Variants in NIPBL observed in about 807,000 individuals in gnomAD.
NIPBL encodes the protein nipped-B-like protein.
In NIPBL, 19 loss-of-function variants were observed where a neutral mutation model predicts 321.8. The ratio of observed to expected loss-of-function variants is 0.06; its 90% confidence interval spans 0.04 to 0.09. The LOEUF is 0.09. NIPBL is among the 10% of genes least tolerant of loss of function. NIPBL has a pLI of 1.00. For missense variants in NIPBL, 2,210 were observed against 3,327.0 expected (o/e 0.66, Z 8.26); for synonymous variants, 1,106 against 1,114.1 (o/e 0.99, Z 0.14).
chr5:36,968,150 T>C (rs1370968333), intron 6 of NIPBL, among the ~76,000 whole-genome samples: 1 of 148,632 alleles, frequency 6.7e-6, no homozygotes, highest in Non-Finnish European at 1.5e-5. Flanking sequence ...TATCAACCTA[T>C]ATGACAAAAT....
chr5:37,009,067 C>G (rs911534705), intron 20 of NIPBL, among the ~76,000 whole-genome samples: 8 of 152,290 alleles, frequency 5.3e-5, no homozygotes, highest in African/African-American at 1.9e-4. Flanking sequence ...AATAGACACC[C>G]TTCCTCCTTC....
At chr5:36,974,129 G>A (rs1421771573) in intron 8 of NIPBL, among the ~76,000 whole-genome samples, 1 of 152,104 alleles carries the variant, frequency 6.6e-6, no homozygotes, top group Non-Finnish European at 1.5e-5. Context: ...AGATTGCCGG[G>A]GAAAGAGAAC....
chr5:36,878,975 G>C (rs371819585), intron 1 of NIPBL, among the ~76,000 whole-genome samples: 15 of 147,830 alleles, frequency 1.0e-4, no homozygotes, highest in African/African-American at 3.2e-4. Context: ...ACTGCGGGTG[G>C]GGGGGTGTGC....
chr5:37,036,523 A>G, intron 33 of NIPBL, 36 bp downstream of exon 33: 5 of 855,640 alleles, frequency 5.8e-6, no homozygotes, highest in Non-Finnish European at 8.5e-6. Flanking sequence ...TCTTTAGTTG[A>G]TTTTATAAGA....
At chr5:36,952,018 C>CTGTGTGTG (rs60067315) in intron 1 of NIPBL, among the ~76,000 whole-genome samples, 3,530 of 101,704 alleles carry the variant, frequency 0.035, 105 homozygotes, top group South Asian at 0.068. Context: ...CTCTGTTAAA[C>CTGTGTGTG]TGTGTGTGTG....
chr5:36,978,892 GT>G (rs1198694889), intron 9 of NIPBL, among the ~76,000 whole-genome samples: 1 of 151,802 alleles, frequency 6.6e-6, no homozygotes, highest in Non-Finnish European at 1.5e-5. Flanking sequence ...GAGATCAGTT[GT>G]TTTTAGGTAT....
chr5:36,952,071 C>CGCGCAT (rs1740431694), intron 1 of NIPBL, among the ~76,000 whole-genome samples: 1 of 125,824 alleles, frequency 7.9e-6, no homozygotes, highest in Admixed American at 7.8e-5. Flanking sequence ...CGCGCGCGCG[C>CGCGCAT]GCATGTGTGT....
intron 45 of NIPBL, among the ~76,000 whole-genome samples, chr5:37,061,951 C>T (rs181391761): frequency 2.6e-5 from 4 of 152,306 alleles, no homozygotes; most frequent in South Asian, 2.1e-4. Flanking sequence ...AAGCAAGTCT[C>T]CTGCCTCAGC....
intron 20 of NIPBL, among the ~76,000 whole-genome samples, chr5:37,009,714 A>T (rs914903633): frequency 8.5e-5 from 13 of 152,204 alleles, no homozygotes; most frequent in Non-Finnish European, 1.8e-4. Context: ...TACCAAATGA[A>T]TAACAGATTC....
chr5:36,974,293 T>C (rs1179990948), intron 8 of NIPBL, among the ~76,000 whole-genome samples: 1 of 152,218 alleles, frequency 6.6e-6, no homozygotes, highest in Non-Finnish European at 1.5e-5. Flanking sequence ...TGAACTTCTG[T>C]CATGAAGTTG....
In NIPBL at chr5:36,985,145, G is replaced by T. The variant is rs80358350; in HGVS notation, c.1965G>T (p.Glu655Asp). The change falls in exon 10 of 47, where the codon GAG becomes GAT. Residue 655 changes from glutamate (E) to aspartate (D), a missense_variant. Coordinates refer to ENST00000282516, the MANE Select transcript of NIPBL (RefSeq NM_133433.4). ...AAACAGAAGAACTTAAACAGAATGA[G>T]AGCAGAACAACTGAATGCAAACAAA... is the stretch of plus-strand genomic sequence containing the variant. ...ETQTEELKQN[E>D]SRTTECKQNE... 1,033 of 1,613,842 alleles carry T rather than the reference G, an allele frequency of 6.4e-4. 8 individuals carry two copies. In the African/African-American group the frequency reaches 0.012, roughly 19 times the overall value.
chr5:36,997,641 A>G (rs1165953929), intron 11 of NIPBL, among the ~76,000 whole-genome samples: 1 of 152,154 alleles, frequency 6.6e-6, no homozygotes, highest in Non-Finnish European at 1.5e-5. Context: ...GTTTCTCTGG[A>G]TTTTTAAAGA....
intron 10 of NIPBL, among the ~76,000 whole-genome samples, chr5:36,994,188 T>G (rs376750689): frequency 9.2e-5 from 14 of 152,144 alleles, no homozygotes; most frequent in African/African-American, 3.4e-4. Context: ...AAATATTACC[T>G]GATTTCAAAA....
intron 6 of NIPBL, among the ~76,000 whole-genome samples, chr5:36,970,411 C>CTATATA (rs34663125): frequency 0.034 from 4,868 of 143,516 alleles, 85 homozygotes; most frequent in Middle Eastern, 0.059. Context: ...GAATTTAAAA[C>CTATATA]TATATATATA....
intron 8 of NIPBL, among the ~76,000 whole-genome samples, chr5:36,974,254 C>T (rs1394043745): frequency 6.6e-6 from 1 of 152,014 alleles, no homozygotes; most frequent in Non-Finnish European, 1.5e-5. Context: ...AAACAAATAA[C>T]CTCACTAATA....
At chr5:36,926,900 A>G (rs1179566828) in intron 1 of NIPBL, among the ~76,000 whole-genome samples, 2 of 152,162 alleles carry the variant, frequency 1.3e-5, no homozygotes, top group Non-Finnish European at 2.9e-5. Context: ...AAATGGTTTC[A>G]TGTATTTTTT....
At chr5:36,940,995 A>G (rs1332506187) in intron 1 of NIPBL, among the ~76,000 whole-genome samples, 1 of 152,162 alleles carries the variant, frequency 6.6e-6, no homozygotes, top group Non-Finnish European at 1.5e-5. Flanking sequence ...TTGGTTTACC[A>G]CTGTATCCTC....
intron 1 of NIPBL, among the ~76,000 whole-genome samples, chr5:36,953,202 G>A (rs1740596551): frequency 6.6e-6 from 1 of 152,142 alleles, no homozygotes; most frequent in Non-Finnish European, 1.5e-5. Flanking sequence ...TAGATTATGA[G>A]GTTAAATGTT....
chr5:36,938,129 A>AC (rs1738648004), intron 1 of NIPBL, among the ~76,000 whole-genome samples: 1 of 152,156 alleles, frequency 6.6e-6, no homozygotes, highest in Non-Finnish European at 1.5e-5. Context: ...GCGTGACATG[A>AC]CCAAAGGCTT....
Sources: allele counts gnomAD v4.1 joint callset (sites outside exome capture counted in the v4.1 genomes callset), GRCh38; gene constraint gnomAD v4.1.1; transcripts MANE v1.5; gene names NCBI Gene and HGNC (gene_info 2026-07-23, HGNC 2026-07-21).